Variants in TYW1 observed in about 807,000 individuals in gnomAD.
TYW1 encodes the protein S-adenosyl-L-methionine-dependent tRNA 4-demethylwyosine synthase TYW1.
In TYW1, 46 loss-of-function variants were observed where a neutral mutation model predicts 96.2. The ratio of observed to expected loss-of-function variants is 0.48; its 90% CI spans 0.38 to 0.61. The LOEUF is 0.61. Among genes scored for constraint, TYW1 ranks in the 20% least tolerant of loss-of-function variants. TYW1 has a pLI of 0.00. For missense variants in TYW1, 684 were observed against 909.6 expected, an observed-to-expected ratio of 0.75 and a Z score of 3.19; for synonymous variants, 274 against 323.0, an observed-to-expected ratio of 0.85 and a Z score of 1.63.
At chr7:67,162,025 A>C (rs1462366699) in intron 13 of TYW1, among the ~76,000 whole-genome samples, 1 of 152,170 alleles carries the variant, frequency 6.6e-6, no homozygotes, top group Non-Finnish European at 1.5e-5. Flanking sequence ...GACCGGGCGC[A>C]GTGGCTCACG....
At chr7:67,152,292 C>CT (rs1406284093) in intron 13 of TYW1, among the ~76,000 whole-genome samples, 1 of 152,202 alleles carries the variant, frequency 6.6e-6, no homozygotes, top group Non-Finnish European at 1.5e-5. Context: ...TCGGAAACTG[C>CT]TCTGCTAAGA....
intron 6 of TYW1, among the ~76,000 whole-genome samples, chr7:67,023,947 A>C (rs749515574): frequency 5.3e-5 from 8 of 152,294 alleles, no homozygotes; most frequent in African/African-American, 1.9e-4. Flanking sequence ...CATCATAAGT[A>C]GTTAAGGATG....
chr7:67,186,231 C>T (rs528432133), intron 14 of TYW1, among the ~76,000 whole-genome samples: 1 of 141,492 alleles, frequency 7.1e-6, no homozygotes, highest in Non-Finnish European at 1.5e-5. Flanking sequence ...AGCAGCTTGG[C>T]TGGATCTCCC....
At chr7:67,065,023 T>C (rs1795815932) in intron 9 of TYW1, among the ~76,000 whole-genome samples, 1 of 152,264 alleles carries the variant, frequency 6.6e-6, no homozygotes, top group Non-Finnish European at 1.5e-5. Context: ...CATGCTTCTA[T>C]GCCTGTGTCT....
chr7:67,217,783 T>A (rs1801246767), intron 15 of TYW1, among the ~76,000 whole-genome samples: 1 of 136,384 alleles, frequency 7.3e-6, no homozygotes, highest in Non-Finnish European at 1.6e-5. Flanking sequence ...CTACAAAAAA[T>A]GTTTTTGTTA....
At chr7:67,022,297 GA>G (rs1435666832) in intron 6 of TYW1, among the ~76,000 whole-genome samples, 7 of 152,196 alleles carry the variant, frequency 4.6e-5, no homozygotes, top group Non-Finnish European at 1.0e-4. Flanking sequence ...TTTGGTGTTA[GA>G]GGGGCAGATT....
intron 14 of TYW1, among the ~76,000 whole-genome samples, chr7:67,191,982 G>A (rs1432802077): frequency 4.0e-5 from 6 of 151,574 alleles, no homozygotes; most frequent in African/African-American, 9.7e-5. Context: ...TGCAATCTCC[G>A]CCTGCCGGGT....
chr7:67,040,769 A>G (rs1000497312), intron 7 of TYW1, among the ~76,000 whole-genome samples: 3 of 151,912 alleles, frequency 2.0e-5, no homozygotes, highest in Non-Finnish European at 4.4e-5. Flanking sequence ...GCTTGATCCC[A>G]GGAGGCGGAG....
chr7:67,156,194 A>G (rs573215780), intron 13 of TYW1, among the ~76,000 whole-genome samples: 12 of 152,266 alleles, frequency 7.9e-5, no homozygotes, highest in African/African-American at 2.4e-4. Flanking sequence ...TGCTCATGCA[A>G]TAGTGGTGGC....
At chr7:67,203,368 T>C (rs1273784628) in intron 15 of TYW1, among the ~76,000 whole-genome samples, 2 of 152,254 alleles carry the variant, frequency 1.3e-5, no homozygotes, top group Non-Finnish European at 1.5e-5. Flanking sequence ...TGTCATACTT[T>C]TTTAGTCTTC....
intron 14 of TYW1, among the ~76,000 whole-genome samples, chr7:67,194,315 A>G (rs1351487059): frequency 2.0e-5 from 3 of 151,432 alleles, no homozygotes; most frequent in Non-Finnish European, 4.4e-5. Flanking sequence ...AGTGCATTAC[A>G]AAATTAACTC....
At chr7:67,014,235 T>C (rs1793929033) in intron 4 of TYW1, 132 bp from the exon 5 acceptor site, 9 of 1,291,650 alleles carry the variant, frequency 7.0e-6, no homozygotes, top group Non-Finnish European at 9.4e-6. Context: ...GCCCTTCACT[T>C]TTGAAGATGA....
chr7:67,072,038 C>T (rs1003318539), intron 10 of TYW1, among the ~76,000 whole-genome samples: 6 of 149,254 alleles, frequency 4.0e-5, no homozygotes, highest in African/African-American at 7.5e-5. Context: ...CTTCCTAGGC[C>T]GCTTCTTAGC....
intron 15 of TYW1, among the ~76,000 whole-genome samples, chr7:67,225,856 G>A (rs1452391197): frequency 6.7e-6 from 1 of 150,066 alleles, no homozygotes; most frequent in African/African-American, 2.5e-5. Context: ...ATGGTTCCAC[G>A]GGCAACTGTT....
At position 67,006,948 on chromosome 7, in the gene TYW1, CTT is replaced by C. The variant is rs34475001; in HGVS notation, c.274-2607_274-2606del. On this transcript the variant is annotated intron_variant, in intron 3 of 15. Coordinates refer to ENST00000359626, the MANE Select transcript of TYW1 (RefSeq NM_018264.4). ...CAAAACAGTAGGGAGAGATGTGAGG[CTT>C]TTTTTTTTTTTTTTTTTTTTTTTTT... is the stretch of plus-strand genomic sequence containing the variant. 9.3e-4 allele frequency among the ~76,000 whole-genome samples: 42 copies of C among 45,138 alleles called. 1 individual carries two copies. The highest frequency in any genetic ancestry group is 2.3e-3 in the East Asian group (3 of 1,300). 29.6% of individuals were successfully genotyped at this position (45,138 alleles called of 152,430 possible). A position where few individuals can be genotyped will look rare whatever the true frequency, so the allele number is the denominator to read the frequency against.
chr7:67,105,619 C>T (rs1487086619), intron 12 of TYW1, among the ~76,000 whole-genome samples: 1 of 152,188 alleles, frequency 6.6e-6, no homozygotes, highest in Admixed American at 6.5e-5. Context: ...TCCCACACTC[C>T]TCCCGTCTTG....
At chr7:67,234,544 G>T (rs915976348) in intron 15 of TYW1, among the ~76,000 whole-genome samples, 4 of 152,100 alleles carry the variant, frequency 2.6e-5, no homozygotes, top group Admixed American at 2.0e-4. Flanking sequence ...TGTGAGAAAA[G>T]AATTTTCTGT....
chr7:67,189,350 C>T (rs1440656925), intron 14 of TYW1, among the ~76,000 whole-genome samples: 1 of 150,860 alleles, frequency 6.6e-6, no homozygotes, highest in Non-Finnish European at 1.5e-5. Context: ...GTGGTGTGTG[C>T]ACTTGTGTGT....
chr7:67,032,190 G>T (rs553367394), intron 7 of TYW1, among the ~76,000 whole-genome samples: 1 of 152,162 alleles, frequency 6.6e-6, no homozygotes, highest in Non-Finnish European at 1.5e-5. Context: ...GAAATTTGCA[G>T]TGGATTTTTT....
Sources: allele counts gnomAD v4.1 joint callset (sites outside exome capture counted in the v4.1 genomes callset), GRCh38; gene constraint gnomAD v4.1.1; transcripts MANE v1.5; gene names NCBI Gene and HGNC (gene_info 2026-07-23, HGNC 2026-07-21).